The following AIG1 variants were observed in gnomAD, a reference collection of about 807,000 sequenced individuals.
AIG1 encodes androgen induced 1, also known as androgen-induced gene 1 protein.
Under a neutral mutation model 31.4 loss-of-function variants are expected in AIG1, and 23 were observed. That is an observed-to-expected ratio of 0.73 (90% CI 0.53 to 1.04). AIG1 has a LOEUF of 1.04. Among genes scored for constraint, AIG1 ranks in the 50% least tolerant of loss-of-function variants. The probability of loss-of-function intolerance (pLI) is 0.00; values close to 1 mark genes in which losing one functional copy is unlikely to be tolerated. For missense variants in AIG1, 274 were observed against 295.0 expected (o/e 0.93, Z 0.52); for synonymous variants, 100 against 110.5 (o/e 0.90, Z 0.60).
chr6:143,262,985 C>A (rs1217887560), intron 3 of AIG1, among the ~76,000 whole-genome samples: 4 of 152,138 alleles, frequency 2.6e-5, no homozygotes, highest in Non-Finnish European at 5.9e-5. Context: ...CACAGATGAG[C>A]AGATTGACAG....
intron 1 of AIG1, among the ~76,000 whole-genome samples, chr6:143,115,797 C>T (rs1017573468): frequency 5.9e-5 from 9 of 152,208 alleles, no homozygotes; most frequent in Admixed American, 2.0e-4. Flanking sequence ...CAGCTTTCCT[C>T]GCTTTATTGC....
At chr6:143,221,455 A>T (rs1185954214) in intron 3 of AIG1, among the ~76,000 whole-genome samples, 2 of 151,858 alleles carry the variant, frequency 1.3e-5, no homozygotes. Context: ...GCTGGTGGCA[A>T]CTGGGGATCT....
chr6:143,232,962 G>A (rs1347998040), intron 3 of AIG1, among the ~76,000 whole-genome samples: 1 of 152,090 alleles, frequency 6.6e-6, no homozygotes, highest in African/African-American at 2.4e-5. Flanking sequence ...TCTGTTCTGG[G>A]AGCTCCCAGG....
At chr6:143,289,424 T>C (rs1409684778) in intron 4 of AIG1, among the ~76,000 whole-genome samples, 29 of 152,172 alleles carry the variant, frequency 1.9e-4, no homozygotes, top group Non-Finnish European at 5.9e-5. Flanking sequence ...AGGGTACAAT[T>C]AGGCATGTCT....
intron 1 of AIG1, among the ~76,000 whole-genome samples, chr6:143,075,298 CT>C (rs1292721035): frequency 2.0e-5 from 3 of 151,874 alleles, no homozygotes; most frequent in East Asian, 1.9e-4. Flanking sequence ...TGATTTCTCT[CT>C]TTTTTTGTTG....
chr6:143,206,907 G>A (rs936460643), intron 3 of AIG1, among the ~76,000 whole-genome samples: 1 of 152,156 alleles, frequency 6.6e-6, no homozygotes, highest in African/African-American at 2.4e-5. Flanking sequence ...TCCAACTAGT[G>A]TTGATGTTTA....
chr6:143,151,900 A>G (rs920270167), intron 2 of AIG1, among the ~76,000 whole-genome samples: 1 of 152,222 alleles, frequency 6.6e-6, no homozygotes, highest in Non-Finnish European at 1.5e-5. Flanking sequence ...GTTGCACAGT[A>G]GGGATTGACT....
intron 4 of AIG1, among the ~76,000 whole-genome samples, chr6:143,332,333 A>G (rs1424792118): frequency 2.0e-5 from 3 of 152,204 alleles, no homozygotes; most frequent in African/African-American, 7.2e-5. Flanking sequence ...AAAGGAATGA[A>G]CTCAAGAATG....
At chr6:143,192,147 C>G (rs933884972) in intron 3 of AIG1, among the ~76,000 whole-genome samples, 3 of 152,146 alleles carry the variant, frequency 2.0e-5, no homozygotes, top group African/African-American at 7.2e-5. Context: ...TTTGAGGAGT[C>G]TGAGGATGTT....
intron 3 of AIG1, among the ~76,000 whole-genome samples, chr6:143,226,384 C>T (rs1245369064): frequency 2.0e-5 from 3 of 151,776 alleles, no homozygotes; most frequent in Admixed American, 6.6e-5. Flanking sequence ...CGACTACAGG[C>T]GTGCCCCACC....
At chr6:143,164,575 T>C (rs2128563432) in intron 2 of AIG1, among the ~76,000 whole-genome samples, 1 of 152,306 alleles carries the variant, frequency 6.6e-6, no homozygotes, top group African/African-American at 2.4e-5. Context: ...AATGTGACTT[T>C]AGGAGATTTT....
chr6:143,271,877 C>A (rs1042431987), intron 3 of AIG1, among the ~76,000 whole-genome samples: 2 of 151,992 alleles, frequency 1.3e-5, no homozygotes, highest in Admixed American at 1.3e-4. Context: ...GAACTTATTT[C>A]TTATTCCTCT....
chr6:143,202,401 C>A (rs1289044357), intron 3 of AIG1, among the ~76,000 whole-genome samples: 3 of 152,100 alleles, frequency 2.0e-5, no homozygotes, highest in Non-Finnish European at 4.4e-5. Context: ...TTGGGTCATG[C>A]AACTCATAAA....
chr6:143,133,468 G>C (rs1783453533), intron 1 of AIG1, among the ~76,000 whole-genome samples: 1 of 152,086 alleles, frequency 6.6e-6, no homozygotes, highest in South Asian at 2.1e-4. Context: ...GACCCCCAAA[G>C]ACATTCACCT....
At chr6:143,301,209 G>A (rs975955063) in intron 4 of AIG1, among the ~76,000 whole-genome samples, 4 of 152,222 alleles carry the variant, frequency 2.6e-5, no homozygotes, top group African/African-American at 9.6e-5. Flanking sequence ...GAATAATGCT[G>A]CCTCGGATTG....
chr6:143,310,239 G>A (rs970620500), intron 4 of AIG1, among the ~76,000 whole-genome samples: 13 of 151,832 alleles, frequency 8.6e-5, no homozygotes, highest in African/African-American at 1.2e-4. Context: ...AACCCTATTC[G>A]GGGCAATAAA....
At chr6:143,065,653 A>G (rs1350096952) in intron 1 of AIG1, among the ~76,000 whole-genome samples, 2 of 152,212 alleles carry the variant, frequency 1.3e-5, no homozygotes, top group Non-Finnish European at 1.5e-5. Context: ...GTTTAAGTAA[A>G]TGGAAGCTTT....
chr6:143,074,444 A>C (rs1472536401), intron 1 of AIG1, among the ~76,000 whole-genome samples: 2 of 152,226 alleles, frequency 1.3e-5, no homozygotes, highest in Non-Finnish European at 2.9e-5. Context: ...GAATGGTCTA[A>C]TTTTATTCTT....
At position 143,306,569 on chromosome 6, in the gene AIG1, C is replaced by T. The variant is rs9496577; in HGVS notation, c.515+22344C>T. 5.0e-3 allele frequency among the ~76,000 whole-genome samples: 754 copies of T among 152,294 alleles called. 2 individuals are homozygous for T. Among genetic ancestry groups the T allele is most frequent in the African/African-American group, 0.017 (726 of 41,550 alleles). ...CTTGTAGAGTTTCTGCTGAGAGATC[C>T]ACTGTTAGTCTGATGGGCTTCCCTT... On this transcript the variant is annotated intron_variant, in intron 4 of 5. Coordinates refer to ENST00000357847, the MANE Select transcript of AIG1 (RefSeq NM_016108.4).
Sources: gnomAD v4.1 joint callset for allele counts (sites outside exome capture counted in the v4.1 genomes callset) on GRCh38, gnomAD v4.1.1 for gene constraint, MANE v1.5 for transcripts, NCBI Gene and HGNC (gene_info 2026-07-23, HGNC 2026-07-21) for gene names.